Variants in VAV3 observed in about 807,000 individuals in gnomAD.
VAV3 encodes the protein guanine nucleotide exchange factor VAV3.
A neutral mutation model predicts 131.2 loss-of-function variants in VAV3; 94 were observed. That is an observed-to-expected ratio of 0.72 (90% CI 0.61 to 0.85). The LOEUF (loss-of-function observed/expected upper bound fraction) is 0.85, where lower values mean the gene tolerates loss of function less well. Ranked by LOEUF, VAV3 falls within the 40% of genes least tolerant of loss-of-function variation. VAV3 has a pLI of 0.00. For synonymous variants in VAV3, 349 were observed against 342.0 expected (o/e 1.02, Z -0.22); for missense variants, 939 against 1,002.7 (o/e 0.94, Z 0.86).
intron 1 of VAV3, among the ~76,000 whole-genome samples, chr1:107,928,464 CAG>C (rs1324960735): frequency 6.6e-6 from 1 of 152,128 alleles, no homozygotes; most frequent in Admixed American, 6.5e-5. Flanking sequence ...ACCTTTCAGA[CAG>C]AGAATTTAAA....
intron 2 of VAV3, among the ~76,000 whole-genome samples, chr1:107,818,966 A>G (rs1320820419): frequency 6.6e-6 from 1 of 152,200 alleles, no homozygotes; most frequent in Non-Finnish European, 1.5e-5. Flanking sequence ...CAGTTTTACG[A>G]CACAAGAATT....
At chr1:107,721,290 T>C (rs540290989) in intron 15 of VAV3, among the ~76,000 whole-genome samples, 15 of 152,276 alleles carry the variant, frequency 9.9e-5, no homozygotes, top group Non-Finnish European at 2.1e-4. Flanking sequence ...TCCAAAGATA[T>C]TGGCTGCTAC....
In VAV3 at chr1:107,595,205, C is replaced by A. The variant is rs1036104921; in HGVS notation, c.2350+1007G>T. Among the ~76,000 whole-genome samples the A allele has an allele frequency of 7.2e-5, 11 of 152,144 alleles. No homozygotes were observed. In the East Asian group the frequency reaches 1.2e-3, roughly 16 times the overall value. ...ACGAGCTTAGGCATACATCATTGAT[C>A]ACTGTGAGGAAAACATATATTAAGT... On this transcript the variant is annotated intron_variant, in intron 25 of 26. Coordinates refer to ENST00000370056, the MANE Select transcript of VAV3 (RefSeq NM_006113.5).
chr1:107,718,874 A>G (rs974317694), intron 15 of VAV3, among the ~76,000 whole-genome samples: 10 of 152,214 alleles, frequency 6.6e-5, no homozygotes, highest in African/African-American at 2.2e-4. Flanking sequence ...GACCAATGGA[A>G]CAGAACAGAG....
intron 2 of VAV3, among the ~76,000 whole-genome samples, chr1:107,856,658 G>A (rs1226448024): frequency 1.3e-5 from 2 of 152,008 alleles, no homozygotes; most frequent in Admixed American, 1.3e-4. Flanking sequence ...CCAGCTTCTC[G>A]AAAATTGGCT....
intron 15 of VAV3, among the ~76,000 whole-genome samples, chr1:107,738,943 A>G (rs1158629364): frequency 6.6e-6 from 1 of 152,242 alleles, no homozygotes; most frequent in Non-Finnish European, 1.5e-5. Flanking sequence ...CTCTGGCTGT[A>G]CTATTATTGT....
intron 1 of VAV3, among the ~76,000 whole-genome samples, chr1:107,917,119 G>C (rs1177870058): frequency 6.6e-6 from 1 of 152,110 alleles, no homozygotes; most frequent in Non-Finnish European, 1.5e-5. Flanking sequence ...TGAAGAGAAG[G>C]AAATAATCAA....
chr1:107,669,440 T>C (rs1657627277), intron 19 of VAV3: 3 of 1,289,478 alleles, frequency 2.3e-6, no homozygotes, highest in Non-Finnish European at 3.0e-6. Flanking sequence ...GCAGGGGCCA[T>C]GGAAATAAAG....
chr1:107,908,286 C>T (rs1178145294), intron 1 of VAV3, among the ~76,000 whole-genome samples: 1 of 152,160 alleles, frequency 6.6e-6, no homozygotes, highest in Non-Finnish European at 1.5e-5. Context: ...TACATGGCTT[C>T]TGGGTAAAGC....
chr1:107,812,488 AC>A (rs1667358916), intron 2 of VAV3, among the ~76,000 whole-genome samples: 1 of 152,002 alleles, frequency 6.6e-6, no homozygotes, highest in African/African-American at 2.4e-5. Flanking sequence ...TTAACTATGC[AC>A]CTACTCAATA....
chr1:107,745,926 T>G lies in VAV3; in HGVS notation c.1502+3042A>C, dbSNP rs367838482. ...TCTAGGGGAACTCAAGGGACTCGTG[T>G]TGATACTAAAGACACTGGGAAGAAG... On this transcript the variant is annotated intron_variant, in intron 15 of 26. Transcript: ENST00000370056. Among the ~76,000 whole-genome samples the G allele has an allele frequency of 6.6e-5, 10 of 152,212 alleles. No homozygotes were observed. The East Asian group carries it at 1.7e-3, about 26-fold the overall frequency.
intron 1 of VAV3, among the ~76,000 whole-genome samples, chr1:107,950,319 C>T (rs573349689): frequency 6.6e-6 from 1 of 152,266 alleles, no homozygotes; most frequent in African/African-American, 2.4e-5. Flanking sequence ...GCTACTGTTA[C>T]TTCTAGTAAC....
intron 20 of VAV3, among the ~76,000 whole-genome samples, chr1:107,623,730 A>T (rs1239348476): frequency 6.6e-6 from 1 of 152,204 alleles, no homozygotes; most frequent in Non-Finnish European, 1.5e-5. Flanking sequence ...TCATGCACAC[A>T]TACAAAAGAA....
intron 2 of VAV3, among the ~76,000 whole-genome samples, chr1:107,871,886 A>G (rs1285989646): frequency 1.3e-5 from 2 of 152,198 alleles, no homozygotes; most frequent in Non-Finnish European, 2.9e-5. Flanking sequence ...GTGTACAATC[A>G]GTGAATCACA....
At chr1:107,720,238 C>G (rs1322603314) in intron 15 of VAV3, among the ~76,000 whole-genome samples, 5 of 151,564 alleles carry the variant, frequency 3.3e-5, no homozygotes, top group Non-Finnish European at 5.9e-5. Context: ...AAAAAATTAG[C>G]CACGTATGGT....
chr1:107,688,365 A>C lies in VAV3; in HGVS notation c.1731+16T>G, dbSNP rs1659183116. The C allele has an allele frequency of 3.1e-6, 5 of 1,611,292 alleles. No homozygotes were observed. In the African/African-American group the frequency reaches 6.7e-5, roughly 22 times the overall value. On this transcript the variant is annotated intron_variant, in intron 18 of 26. Coordinates refer to ENST00000370056, the MANE Select transcript of VAV3 (RefSeq NM_006113.5). ...AATGCAAAGGTTATAAAAAATATTT[A>C]AAATGTTAATCTTACCTCTGGTAGT...
rs538809826 is a variant in VAV3 at position 107,964,723 on chromosome 1, G to A, written c.147C>T (p.Asn49=). The A allele has an allele frequency of 1.6e-5, 26 of 1,614,100 alleles. No homozygotes were observed. In the South Asian group the frequency reaches 2.7e-4, roughly 17 times the overall value. Residue 49 remains asparagine (N), a synonymous_variant, in exon 1 of 27, where the codon AAC becomes AAT. Coordinates refer to ENST00000370056, the MANE Select transcript of VAV3 (RefSeq NM_006113.5). ...TCAGGTTGATGGAGTGCGCCCGGAG[G>A]TTGTTAAGCAGCTGGCAGAGCAGGA... is the stretch of plus-strand genomic sequence containing the variant. ...DGVLLCQLLN[N]LRAHSINLKE...
chr1:107,801,675 C>T (rs1056169589), intron 2 of VAV3, among the ~76,000 whole-genome samples: 10 of 152,136 alleles, frequency 6.6e-5, no homozygotes, highest in Non-Finnish European at 1.2e-4. Flanking sequence ...TATCTCACTT[C>T]CAATTGCTGT....
intron 19 of VAV3, among the ~76,000 whole-genome samples, chr1:107,648,460 A>G (rs1330394521): frequency 2.0e-5 from 3 of 152,068 alleles, no homozygotes; most frequent in Non-Finnish European, 4.4e-5. Context: ...TCTGTTATAC[A>G]TGTACATTTT....
Sources: gnomAD v4.1 joint callset for allele counts (sites outside exome capture counted in the v4.1 genomes callset) on GRCh38, gnomAD v4.1.1 for gene constraint, MANE v1.5 for transcripts, NCBI Gene and HGNC (gene_info 2026-07-23, HGNC 2026-07-21) for gene names.